The following ARHGEF15 variants were observed in gnomAD, a reference collection of about 807,000 sequenced individuals.
The protein encoded by ARHGEF15 is Rho guanine nucleotide exchange factor 15.
Under a neutral mutation model 79.7 loss-of-function variants are expected in ARHGEF15, and 58 were observed. The observed-to-expected ratio is 0.73, with a 90% confidence interval of 0.59 to 0.91. The LOEUF is 0.91. ARHGEF15 is among the 40% of genes least tolerant of loss of function. The pLI, the probability that ARHGEF15 is intolerant of heterozygous loss-of-function variation, is 0.00. For synonymous variants in ARHGEF15, 442 were observed against 456.0 expected, an observed-to-expected ratio of 0.97 and a Z score of 0.39; for missense variants, 1,012 against 1,108.1, an observed-to-expected ratio of 0.91 and a Z score of 1.23.
intron 9 of ARHGEF15, 113 bp downstream of exon 9, chr17:8,316,261 A>C: frequency 1.4e-6 from 2 of 1,406,604 alleles, no homozygotes; most frequent in South Asian, 1.4e-5. Context: ...TAAACATAAA[A>C]TCCCCCAAAT....
chr17:8,315,664 C>T lies in ARHGEF15; in HGVS notation c.1421+90C>T, dbSNP rs1904973523. On this transcript the variant is annotated intron_variant, in intron 7 of 15. Transcript: ENST00000361926. The surrounding 1 kb of genome is among the most constrained non-coding windows in gnomAD (Gnocchi z 4.3). Reference sequence around the variant, plus strand: ...TCCCGGGCCCAGGTCCTTCCTTCTACGGACCCAGTTAGTTCCCAAACCTTC... The same window carrying T: ...TCCCGGGCCCAGGTCCTTCCTTCTATGGACCCAGTTAGTTCCCAAACCTTC... 5 of 1,588,704 alleles carry T rather than the reference C, an allele frequency of 3.1e-6. No individual in the cohort carries two copies. Among genetic ancestry groups the T allele is most frequent in the African/African-American group, 2.7e-5 (2 of 74,436 alleles).
Position 8,315,147 on chromosome 17 carries a change from C to A in ARHGEF15, c.1130C>A (p.Ala377Glu). ...GGTGAGGATGGGAGTCCTTCTCCAG[C>A]AAATGCTGGAGATGCACCCACCTTC... The part of the protein sequence containing the change: ...GVGEDGSPSP[A>E]NAGDAPTFPR... Residue 377 changes from alanine to glutamate, a missense_variant, in exon 6 of 16, where the codon GCA (alanine) becomes GAA (glutamate). Coordinates refer to ENST00000361926, the MANE Select transcript of ARHGEF15 (RefSeq NM_173728.4). The surrounding 1 kb of genome is among the most constrained non-coding windows in gnomAD (Gnocchi z 4.3). The A allele has an allele frequency of 1.2e-6, 2 of 1,614,072 alleles. No homozygotes were observed. Among genetic ancestry groups the A allele is most frequent in the East Asian group, 4.5e-5 (2 of 44,878 alleles).
Position 8,320,274 on chromosome 17 carries a change from T to C in ARHGEF15, c.2375-568T>C, listed in dbSNP as rs554192331. Among the ~76,000 whole-genome samples, 6 of 150,638 alleles carry C rather than the reference T, an allele frequency of 4.0e-5. No individual in the cohort carries two copies. In the South Asian group the frequency reaches 1.1e-3, roughly 26 times the overall value. On this transcript the variant is annotated intron_variant, in intron 15 of 15. Transcript: ENST00000361926. ...GTACATGTGAAGGTTATGAGTGTTATGGAAAAAAAAAAAAGTGAGCAGAGC... is the reference window on the plus strand; with the variant it reads ...GTACATGTGAAGGTTATGAGTGTTACGGAAAAAAAAAAAAGTGAGCAGAGC...
chr17:8,312,945 T>G lies in ARHGEF15; in HGVS notation c.625T>G (p.Cys209Gly), dbSNP rs1373775659. 3.2e-6 allele frequency: 5 copies of G among 1,583,382 alleles called. No individual in the cohort carries two copies. In the East Asian group the frequency reaches 1.1e-4, roughly 35 times the overall value. ...AGATGCTGGCCTGGCCTGCCCTCCC[T>G]GCTGCCCCTGTGTCTGCCACACCAC... ...APDAGLACPPCCPCVCHTTRP... is the reference protein window; with the variant it reads ...APDAGLACPPGCPCVCHTTRP... The change falls in exon 3 of 16, where the codon TGC (cysteine) becomes GGC (glycine). Residue 209 changes from cysteine to glycine, a missense_variant. Physicochemically the swap from Cys to Gly is radical, Grantham distance 159 (BLOSUM62 -3). Around this residue, in one of 3 missense-constraint regions of ARHGEF15, gnomAD observed 818 missense variants for 882.5 expected, o/e 0.93. Coordinates refer to ENST00000361926, the MANE Select transcript of ARHGEF15 (RefSeq NM_173728.4).
rs201284943 is a variant in ARHGEF15, at chr17:8,319,439, T to C, written c.2269+45T>C. On this transcript the variant is annotated intron_variant, in intron 14 of 15. Coordinates refer to ENST00000361926, the MANE Select transcript of ARHGEF15 (RefSeq NM_173728.4). ...GGATGAGGGAAGAAAAAGCGAGTCT[T>C]AGAGGAATATGGGGGAGAAGCTAAA... is the stretch of plus-strand genomic sequence containing the variant. The C allele has an allele frequency of 2.3e-5, 36 of 1,599,256 alleles. No individual in the cohort carries two copies. In the East Asian group the frequency reaches 7.6e-4, roughly 34 times the overall value.
chr17:8,316,214 C>A, intron 9 of ARHGEF15, 66 bp downstream of exon 9: 1 of 1,559,202 alleles, frequency 6.4e-7, no homozygotes, highest in Non-Finnish European at 8.6e-7. Context: ...CCGAGGGCTT[C>A]TTGGCCCTCC....
intron 4 of ARHGEF15, 58 bp from the exon 5 acceptor site, chr17:8,314,848 C>A: frequency 1.9e-6 from 3 of 1,604,286 alleles, no homozygotes; most frequent in South Asian, 1.1e-5. Context: ...GAACAAGCAC[C>A]CCTACGGTGG....
At chr17:8,319,692 G>C (rs1905258811) in intron 15 of ARHGEF15, 89 bp downstream of exon 15, 2 of 1,146,918 alleles carry the variant, frequency 1.7e-6, no homozygotes, top group South Asian at 2.1e-5. Context: ...CTAGAGTGCA[G>C]TGGTGTGAGC....
chr17:8,316,011 T>C lies in ARHGEF15; in HGVS notation c.1575-8T>C. 2 of 1,601,414 alleles carry C rather than the reference T, an allele frequency of 1.2e-6. No individual in the cohort carries two copies. Among genetic ancestry groups the C allele is most frequent in the Non-Finnish European group, 1.7e-6 (2 of 1,178,710 alleles). On this transcript the variant is annotated splice_region_variant and splice_polypyrimidine_tract_variant and intron_variant, in intron 8 of 15. Coordinates refer to ENST00000361926, the MANE Select transcript of ARHGEF15 (RefSeq NM_173728.4). ...CCAGGCAGCCGCTAGCCATGCCTGC[T>C]TCTGCAGGGACACCAACGTGCGCTT...
intron 4 of ARHGEF15, among the ~76,000 whole-genome samples, chr17:8,314,226 T>C (rs1904857829): frequency 6.6e-6 from 1 of 152,304 alleles, no homozygotes; most frequent in Admixed American, 6.5e-5. Flanking sequence ...CGAAAATCTA[T>C]TTGGCAATCA....
intron 9 of ARHGEF15, among the ~76,000 whole-genome samples, chr17:8,316,941 C>G (rs761165558): frequency 6.6e-6 from 1 of 152,142 alleles, no homozygotes; most frequent in Non-Finnish European, 1.5e-5. Flanking sequence ...GACTACCATG[C>G]CTGGCTAATT....
Position 8,318,382 on chromosome 17 carries a change from C to T in ARHGEF15, c.1705-5C>T, listed in dbSNP as rs749642427. The stretch of plus-strand genomic sequence containing the variant: ...GGCCCAGTCACCCTTCCTCCTTGTC[C>T]CCAGAATATCCTGCGCCAGACAGAA... On this transcript the variant is annotated splice_region_variant and splice_polypyrimidine_tract_variant and intron_variant, in intron 9 of 15. Transcript: ENST00000361926. This position sits in a 1 kb window ranked among gnomAD's most constrained non-coding sequence, Gnocchi z 5.0. The T allele has an allele frequency of 2.5e-6, 4 of 1,613,332 alleles. No homozygotes were observed. Among genetic ancestry groups the T allele is most frequent in the Non-Finnish European group, 3.4e-6 (4 of 1,179,782 alleles).
rs145531026 is a variant in ARHGEF15 at position 8,311,769 on chromosome 17, C to G, written c.-49-222C>G. ...CGCACACTCACAACACACCATGCCA[C>G]CCCCTACACAAACCACACACAAACC... On this transcript the variant is annotated intron_variant, in intron 1 of 15. Coordinates refer to ENST00000361926, the MANE Select transcript of ARHGEF15 (RefSeq NM_173728.4). Among the ~76,000 whole-genome samples the G allele has an allele frequency of 2.9e-3, 436 of 152,022 alleles. 3 individuals carry two copies. The highest frequency in any genetic ancestry group is 0.01 in the African/African-American group (417 of 41,438).
intron 15 of ARHGEF15, among the ~76,000 whole-genome samples, 160 bp from the exon 16 acceptor site, chr17:8,320,682 A>G (rs192525649): frequency 1.6e-3 from 237 of 151,926 alleles, no homozygotes; most frequent in African/African-American, 5.3e-3. Context: ...AGCTGCTGTC[A>G]CCTCCACTTC....
rs1904930828 is a variant in ARHGEF15 at position 8,315,214 on chromosome 17, T to G, written c.1197T>G (p.Leu399=). The change falls in exon 6 of 16, where the codon CTT becomes CTG. Residue 399 remains leucine (L), a synonymous_variant. Coordinates refer to ENST00000361926, the MANE Select transcript of ARHGEF15 (RefSeq NM_173728.4). This position sits in a 1 kb window ranked among gnomAD's most constrained non-coding sequence, Gnocchi z 4.3. ...CTCGCAACACCCTGTGGCAGGAGCT[T>G]CCGGCTGTGCAAGCCAGCGGTCTTC... ...PGPRNTLWQE[L]PAVQASGLLD... 6.2e-7 allele frequency: 1 copy of G among 1,613,560 alleles called. No homozygotes were observed. The highest frequency in any genetic ancestry group is 8.5e-7 in the Non-Finnish European group (1 of 1,179,916).
intron 9 of ARHGEF15, among the ~76,000 whole-genome samples, chr17:8,317,691 G>A (rs1905114580): frequency 6.6e-6 from 1 of 152,136 alleles, no homozygotes; most frequent in African/African-American, 2.4e-5. Flanking sequence ...AATTGATGGA[G>A]ACAAAATTGT....
rs764552552 is a variant in ARHGEF15 at position 8,312,185 on chromosome 17, A to G, written c.146A>G (p.Asn49Ser). Residue 49 changes from asparagine (N) to serine (S), a missense_variant, in exon 2 of 16, where the codon AAC (asparagine) becomes AGC (serine). Asn to Ser is a conservative substitution (Grantham distance 46, BLOSUM62 1). Transcript: ENST00000361926. ...TCCTCTCCACAAGAACTACCCCGAAACTCCAATGATGCACCAACCCCAATG... is the reference window on the plus strand; with the variant it reads ...TCCTCTCCACAAGAACTACCCCGAAGCTCCAATGATGCACCAACCCCAATG... ...NGSSPQELPR[N>S]SNDAPTPMCT... The G allele has an allele frequency of 1.2e-6, 2 of 1,605,350 alleles. No homozygotes were observed. Among genetic ancestry groups the G allele is most frequent in the Non-Finnish European group, 1.7e-6 (2 of 1,176,262 alleles).
chr17:8,319,759 C>T (rs552805578), intron 15 of ARHGEF15, among the ~76,000 whole-genome samples, 156 bp downstream of exon 15: 2 of 152,264 alleles, frequency 1.3e-5, no homozygotes, highest in South Asian at 4.1e-4. Context: ...CCTCAACCTC[C>T]CAAGTAGCTG....
chr17:8,315,354 C>A lies in ARHGEF15; in HGVS notation c.1261-60C>A. On this transcript the variant is annotated intron_variant, in intron 6 of 15. Coordinates refer to ENST00000361926, the MANE Select transcript of ARHGEF15 (RefSeq NM_173728.4). The surrounding 1 kb of genome is among the most constrained non-coding windows in gnomAD (Gnocchi z 4.3). ...GGGTCAGGCATAGGGGAGGAGGGCC[C>A]AGGGTCCTAGCTTCCCACGGTGAAC... 6.2e-7 allele frequency: 1 copy of A among 1,611,672 alleles called. No homozygotes were observed. The highest frequency in any genetic ancestry group is 8.5e-7 in the Non-Finnish European group (1 of 1,178,590).
Sources: gnomAD v4.1 joint callset for allele counts (sites outside exome capture counted in the v4.1 genomes callset) on GRCh38, gnomAD v4.1.1 for gene constraint, gnomAD v4.1.1 regional missense constraint, Gnocchi (gnomAD v3.1) non-coding constraint, MANE v1.5 for transcripts, NCBI Gene and HGNC (gene_info 2026-07-23, HGNC 2026-07-21) for gene names.